JARID2: variants seen among roughly 807,000 people sequenced by gnomAD.
JARID2 encodes jumonji and AT-rich interaction domain containing 2.
Under a neutral mutation model 125.6 loss-of-function variants are expected in JARID2, and 21 were observed. The ratio of observed to expected loss-of-function variants is 0.17; its 90% CI spans 0.12 to 0.24. The LOEUF is 0.24. Among genes scored for constraint, JARID2 ranks in the 10% least tolerant of loss-of-function variants. JARID2 has a pLI of 1.00. For missense variants in JARID2, 1,303 were observed against 1,639.6 expected (o/e 0.79, Z 3.55); for synonymous variants, 736 against 661.6 (o/e 1.11, Z -1.73).
In JARID2 at chr6:15,520,210, T is replaced by C; in HGVS notation, c.3700T>C (p.Ser1234Pro). 6.2e-7 allele frequency: 1 copy of C among 1,613,510 alleles called. No homozygotes were observed. Among genetic ancestry groups the C allele is most frequent in the Middle Eastern group, 1.7e-4 (1 of 6,058 alleles). Residue 1234 changes from serine to proline, a missense_variant, in exon 18 of 18, where the codon TCA becomes CCA. Around this residue, in one of 11 missense-constraint regions of JARID2, gnomAD observed 75 missense variants for 66.0 expected, o/e 1.14. Coordinates refer to ENST00000341776, the MANE Select transcript of JARID2 (RefSeq NM_004973.4). Reference protein sequence around the residue: ...ATVDVPPSRLSASSSSKSASS... With the variant: ...ATVDVPPSRLPASSSSKSASS... Reference sequence around the variant, plus strand: ...AGTGGACGTGCCCCCCTCCCGTCTGTCAGCCTCCAGTTCATCCAAAAGTGC... The same window carrying C: ...AGTGGACGTGCCCCCCTCCCGTCTGCCAGCCTCCAGTTCATCCAAAAGTGC...
chr6:15,290,629 TC>T lies in JARID2; in HGVS notation c.45+44052del, dbSNP rs1011237927. Reference sequence around the variant, plus strand: ...GCTGAATAGTTTTTGGATGTTTTTTTCCCCCCCAAGACAGTGCCTTGCGCTG... The same window carrying T: ...GCTGAATAGTTTTTGGATGTTTTTTTCCCCCCAAGACAGTGCCTTGCGCTG... On this transcript the variant is annotated intron_variant, in intron 1 of 17. Coordinates refer to ENST00000341776, the MANE Select transcript of JARID2 (RefSeq NM_004973.4). Among the ~76,000 whole-genome samples, 9 of 151,966 alleles carry T rather than the reference TC, an allele frequency of 5.9e-5. No individual in the cohort carries two copies. The East Asian group carries it at 1.5e-3, about 26-fold the overall frequency.
chr6:15,432,998 T>C (rs888435716), intron 3 of JARID2, among the ~76,000 whole-genome samples: 1 of 152,172 alleles, frequency 6.6e-6, no homozygotes, highest in Non-Finnish European at 1.5e-5. Context: ...TTTGATTCAG[T>C]TAAGTCTGAG....
intron 1 of JARID2, among the ~76,000 whole-genome samples, chr6:15,317,674 T>G (rs900092491): frequency 1.3e-5 from 2 of 152,104 alleles, no homozygotes; most frequent in African/African-American, 4.8e-5. Flanking sequence ...CTGAAGTATC[T>G]TTTTTGAGTT....
intron 3 of JARID2, among the ~76,000 whole-genome samples, chr6:15,423,514 T>A (rs1287059437): frequency 6.6e-6 from 1 of 152,092 alleles, no homozygotes; most frequent in African/African-American, 2.4e-5. Flanking sequence ...TGTTCCTGAG[T>A]CATGGGACAA....
At position 15,520,183 on chromosome 6, in the gene JARID2, A is replaced by T; in HGVS notation, c.3673A>T (p.Thr1225Ser). 1 of 1,613,996 alleles carries T rather than the reference A, an allele frequency of 6.2e-7. No homozygotes were observed. Among genetic ancestry groups the T allele is most frequent in the South Asian group, 1.1e-5 (1 of 91,050 alleles). The stretch of plus-strand genomic sequence containing the variant: ...AAAAAGAGGTCCCCGCAAGAGAGCG[A>T]CAGTGGACGTGCCCCCCTCCCGTCT... ...TPKRGPRKRA[T>S]VDVPPSRLSA... Residue 1225 changes from threonine to serine, a missense_variant, in exon 18 of 18, where the codon ACA becomes TCA. By Grantham distance (58) the Thr-to-Ser change is moderately conservative (BLOSUM62 1). This residue lies in a region of JARID2 where 75 missense variants were observed against 66.0 expected (regional missense o/e 1.14). Coordinates refer to ENST00000341776, the MANE Select transcript of JARID2 (RefSeq NM_004973.4).
At chr6:15,273,586 A>G (rs901407690) in intron 1 of JARID2, among the ~76,000 whole-genome samples, 1 of 152,190 alleles carries the variant, frequency 6.6e-6, no homozygotes, top group Non-Finnish European at 1.5e-5. Context: ...CTGTAATCCC[A>G]GCTACTTGGA....
intron 2 of JARID2, among the ~76,000 whole-genome samples, chr6:15,376,240 A>G (rs945100870): frequency 6.6e-6 from 1 of 152,246 alleles, no homozygotes; most frequent in African/African-American, 2.4e-5. Context: ...TTTAAAAAAT[A>G]CAGAGACACC....
At position 15,339,605 on chromosome 6, in the gene JARID2, G is replaced by GCAAAGTGCAATGGT. The variant is rs1554125706; in HGVS notation, c.46-34512_46-34511insCAAAGTGCAATGGT. Among the ~76,000 whole-genome samples, 111 of 145,332 alleles carry GCAAAGTGCAATGGT rather than the reference G, an allele frequency of 7.6e-4. No individual in the cohort carries two copies. The East Asian group carries it at 0.017, about 22-fold the overall frequency. ...GGCCGGAGTGCAATGGTGCGATCTCGGCTCACCGCAACCTCTGCCTCCTGG... is the reference window on the plus strand; with the variant it reads ...GGCCGGAGTGCAATGGTGCGATCTCGCAAAGTGCAATGGTGCTCACCGCAACCTCTGCCTCCTGG... On this transcript the variant is annotated intron_variant, in intron 1 of 17. Coordinates refer to ENST00000341776, the MANE Select transcript of JARID2 (RefSeq NM_004973.4).
At chr6:15,509,167 CCTGA>C in intron 12 of JARID2, 3 of 1,283,664 alleles carry the variant, frequency 2.3e-6, no homozygotes, top group Non-Finnish European at 3.0e-6. Flanking sequence ...CGCCTGTAAT[CCTGA>C]CTCTCACTGC....
intron 2 of JARID2, among the ~76,000 whole-genome samples, chr6:15,380,453 A>T (rs576882764): frequency 6.6e-6 from 1 of 152,362 alleles, no homozygotes; most frequent in East Asian, 1.9e-4. Flanking sequence ...GGTATCAAAA[A>T]TGTAGACTGT....
intron 1 of JARID2, among the ~76,000 whole-genome samples, chr6:15,358,265 G>A (rs549323316): frequency 7.9e-5 from 12 of 152,234 alleles, no homozygotes; most frequent in Non-Finnish European, 1.6e-4. Flanking sequence ...ATGTTAGTAG[G>A]AAGAAAAACT....
rs67874437 is a variant in JARID2 at position 15,497,650 on chromosome 6, C to CAAA, written c.1945+493_1945+495dup. ...TGGGTGACAGAGTGAGATTCCGTCTCAAAAAAAAAAAAAAAGTATTGAGCT... is the reference window on the plus strand; with the variant it reads ...TGGGTGACAGAGTGAGATTCCGTCTCAAAAAAAAAAAAAAAAAAGTATTGAGCT... On this transcript the variant is annotated intron_variant, in intron 7 of 17. Coordinates refer to ENST00000341776, the MANE Select transcript of JARID2 (RefSeq NM_004973.4). Among the ~76,000 whole-genome samples the CAAA allele has an allele frequency of 3.2e-3, 427 of 133,436 alleles. 4 individuals are homozygous for CAAA. Among genetic ancestry groups the CAAA allele is most frequent in the Admixed American group, 7.2e-3 (97 of 13,492 alleles). 87.5% of individuals were successfully genotyped at this position (133,436 alleles called of 152,430 possible).
chr6:15,511,444 C>T (rs1269268513), intron 13 of JARID2, 43 bp downstream of exon 13: 2 of 1,279,394 alleles, frequency 1.6e-6, no homozygotes, highest in Non-Finnish European at 2.3e-6. Context: ...GCTGTAGGAC[C>T]TCCTAGGCAC....
rs527971337 is a variant in JARID2, at chr6:15,513,126, C to T, written c.3266+81C>T. On this transcript the variant is annotated intron_variant, in intron 15 of 17. Transcript: ENST00000341776. ...CTCACCCCCCGAGCAGGCCTCACTT[C>T]CTGACAGGAGGGTGTGTCTGCAGGG... 1.7e-5 allele frequency: 27 copies of T among 1,599,016 alleles called. No homozygotes were observed. The African/African-American group carries it at 3.5e-4, about 21-fold the overall frequency.
At chr6:15,317,559 G>A (rs779249113) in intron 1 of JARID2, among the ~76,000 whole-genome samples, 9 of 151,930 alleles carry the variant, frequency 5.9e-5, no homozygotes, top group Non-Finnish European at 1.2e-4. Context: ...AACTTCATCC[G>A]TAAAGGTGAG....
intron 1 of JARID2, among the ~76,000 whole-genome samples, chr6:15,353,431 G>A (rs1763495280): frequency 6.6e-6 from 1 of 152,142 alleles, no homozygotes; most frequent in South Asian, 2.1e-4. Flanking sequence ...TACTTAAATG[G>A]TGGTTTTAAA....
At chr6:15,404,805 T>TC (rs1398157391) in intron 2 of JARID2, among the ~76,000 whole-genome samples, 2 of 152,154 alleles carry the variant, frequency 1.3e-5, no homozygotes, top group East Asian at 1.9e-4. Flanking sequence ...CTCAAAGCCC[T>TC]CCTTGTTTTT....
rs185492803 is a variant in JARID2, at chr6:15,255,533, G to A, written c.45+8949G>A. Among the ~76,000 whole-genome samples the A allele has an allele frequency of 2.6e-4, 40 of 152,300 alleles. No homozygotes were observed. The East Asian group carries it at 7.3e-3, about 28-fold the overall frequency. ...GACAGGAGAATGTGGGAGATCTTCT[G>A]ACACCCAGTTTATTGATCTCTTAAA... On this transcript the variant is annotated intron_variant, in intron 1 of 17. Coordinates refer to ENST00000341776, the MANE Select transcript of JARID2 (RefSeq NM_004973.4).
At chr6:15,350,730 GTTTTTTTT>G (rs538674872) in intron 1 of JARID2, among the ~76,000 whole-genome samples, 2 of 130,418 alleles carry the variant, frequency 1.5e-5, no homozygotes. Context: ...ATAGTTTAAG[GTTTTTTTT>G]TTTTTTTTTT....
Sources: gnomAD v4.1 joint callset for allele counts (sites outside exome capture counted in the v4.1 genomes callset) on GRCh38, gnomAD v4.1.1 for gene constraint, gnomAD v4.1.1 regional missense constraint, MANE v1.5 for transcripts, NCBI Gene and HGNC (gene_info 2026-07-23, HGNC 2026-07-21) for gene names.